NRXN3: variants seen among roughly 807,000 people sequenced by gnomAD.
NRXN3 encodes the protein neurexin III.
In NRXN3, 32 loss-of-function variants were observed where a neutral mutation model predicts 137.6. That is an observed-to-expected ratio of 0.23 (90% CI 0.18 to 0.31). The LOEUF (loss-of-function observed/expected upper bound fraction) is 0.31, where lower values mean the gene tolerates loss of function less well. Among genes scored for constraint, NRXN3 ranks in the 10% least tolerant of loss-of-function variants. NRXN3 has a pLI of 1.00. For synonymous variants in NRXN3, 798 were observed against 784.5 expected (o/e 1.02, Z -0.29); for missense variants, 1,574 against 2,062.5 (o/e 0.76, Z 4.59).
At chr14:78,989,295 T>C (rs936608432) in intron 15 of NRXN3, among the ~76,000 whole-genome samples, 2 of 152,158 alleles carry the variant, frequency 1.3e-5, no homozygotes, top group Admixed American at 6.5e-5. Context: ...CTATGTGGTT[T>C]TTTTGATTCT....
In NRXN3 at chr14:79,705,046, A is replaced by G. The variant is rs545820067; in HGVS notation, c.4014+7109A>G. On this transcript the variant is annotated intron_variant, in intron 19 of 20. Coordinates refer to ENST00000335750, the MANE Select transcript of NRXN3 (RefSeq NM_001330195.2). ...GATGAAAGGGTCCTGAGGGCAGACG[A>G]AGTGTGAAAGCTCCCAGGAGAATTC... is the stretch of plus-strand genomic sequence containing the variant. 2.0e-5 allele frequency among the ~76,000 whole-genome samples: 3 copies of G among 152,216 alleles called. No homozygotes were observed. In the South Asian group the frequency reaches 6.2e-4, roughly 32 times the overall value.
intron 4 of NRXN3, among the ~76,000 whole-genome samples, chr14:78,344,785 G>A (rs925927261): frequency 6.6e-6 from 1 of 152,050 alleles, no homozygotes; most frequent in Non-Finnish European, 1.5e-5. Flanking sequence ...ATGGTTTTTT[G>A]GACCTTCTGG....
intron 4 of NRXN3, among the ~76,000 whole-genome samples, chr14:78,509,029 G>A (rs1454850815): frequency 2.0e-5 from 3 of 152,100 alleles, no homozygotes; most frequent in Admixed American, 6.5e-5. Context: ...GCCAGGCATG[G>A]TGGCTCATGC....
chr14:79,134,049 G>A lies in NRXN3; in HGVS notation c.3262+145908G>A, dbSNP rs114290522. The stretch of plus-strand genomic sequence containing the variant: ...CTCATTCCGTATCTCCATCTTCAGA[G>A]AATGCTTGTGTGCCTTCAAATTTAT... On this transcript the variant is annotated intron_variant, in intron 15 of 20. Transcript: ENST00000335750. Among the ~76,000 whole-genome samples, 615 of 152,090 alleles carry A rather than the reference G, an allele frequency of 4.0e-3. 5 individuals are homozygous for A. Among genetic ancestry groups the A allele is most frequent in the African/African-American group, 0.014 (573 of 41,468 alleles).
intron 15 of NRXN3, among the ~76,000 whole-genome samples, chr14:79,400,181 C>T (rs1425057048): frequency 6.6e-6 from 1 of 152,144 alleles, no homozygotes; most frequent in African/African-American, 2.4e-5. Flanking sequence ...TTGTTCAACC[C>T]AGCACAACCC....
In NRXN3 at chr14:78,568,869, CA is replaced by C. The variant is rs372665482; in HGVS notation, c.758-76250del. 2.4e-4 allele frequency among the ~76,000 whole-genome samples: 37 copies of C among 151,744 alleles called. No individual in the cohort carries two copies. In the East Asian group the frequency reaches 5.0e-3, roughly 21 times the overall value. On this transcript the variant is annotated intron_variant, in intron 4 of 20. Coordinates refer to ENST00000335750, the MANE Select transcript of NRXN3 (RefSeq NM_001330195.2). Reference sequence around the variant, plus strand: ...CTTTAGTGGGCATGAGAAACACTGGCAGAGCTTCTACCAGAAACACTGGTAG... The same window carrying C: ...CTTTAGTGGGCATGAGAAACACTGGCGAGCTTCTACCAGAAACACTGGTAG...
chr14:78,330,154 A>G (rs17188), intron 4 of NRXN3, among the ~76,000 whole-genome samples: 79,797 of 151,952 alleles, frequency 0.53, 21,317 homozygotes, highest in Admixed American at 0.62. Flanking sequence ...AGGAATTTAA[A>G]GAAGCTTAGA....
intron 10 of NRXN3, among the ~76,000 whole-genome samples, chr14:78,860,220 A>T (rs568764980): frequency 6.6e-6 from 1 of 152,304 alleles, no homozygotes; most frequent in Admixed American, 6.5e-5. Context: ...TTTAATTCTC[A>T]TTATAATGAT....
At chr14:78,423,448 C>T (rs974860681) in intron 4 of NRXN3, among the ~76,000 whole-genome samples, 8 of 152,128 alleles carry the variant, frequency 5.3e-5, no homozygotes, top group African/African-American at 1.9e-4. Context: ...TTCCACTGCC[C>T]GGTACATTAT....
chr14:78,387,751 G>T (rs1000259154), intron 4 of NRXN3, among the ~76,000 whole-genome samples: 1 of 152,218 alleles, frequency 6.6e-6, no homozygotes, highest in African/African-American at 2.4e-5. Context: ...CTTAAAGAGA[G>T]ATATGGGAAG....
Position 78,849,617 on chromosome 14 carries a change from G to GA in NRXN3, c.2275+39280dup, listed in dbSNP as rs558826163. ...TAGTTCAAAATGTTCTGTTCTATGT[G>GA]AAAAAAATACTATCATTTTATTTAA... On this transcript the variant is annotated intron_variant, in intron 10 of 20. Transcript: ENST00000335750. Among the ~76,000 whole-genome samples the GA allele has an allele frequency of 1.7e-3, 257 of 152,078 alleles. 1 individual carries two copies. The highest frequency in any genetic ancestry group is 5.4e-3 in the African/African-American group (223 of 41,512).
chr14:78,904,398 C>T (rs964922392), intron 10 of NRXN3, among the ~76,000 whole-genome samples: 1 of 152,014 alleles, frequency 6.6e-6, no homozygotes, highest in African/African-American at 2.4e-5. Context: ...TTGAAAAGAC[C>T]TGTTTTATGA....
chr14:79,160,614 G>C (rs746358569), intron 15 of NRXN3, among the ~76,000 whole-genome samples: 1 of 151,586 alleles, frequency 6.6e-6, no homozygotes, highest in Non-Finnish European at 1.5e-5. Flanking sequence ...AAAATCACTT[G>C]TTCTTTTTTT....
chr14:79,775,921 T>C (rs2099095694), intron 19 of NRXN3, among the ~76,000 whole-genome samples: 1 of 152,168 alleles, frequency 6.6e-6, no homozygotes, highest in Admixed American at 6.6e-5. Flanking sequence ...GTCCTAGAAC[T>C]GGTTGTGCTA....
rs571249206 is a variant in NRXN3, at chr14:78,272,192, C to T, written c.710-6453C>T. Among the ~76,000 whole-genome samples, 3 of 152,238 alleles carry T rather than the reference C, an allele frequency of 2.0e-5. No individual in the cohort carries two copies. In the South Asian group the frequency reaches 6.2e-4, roughly 32 times the overall value. Reference sequence around the variant, plus strand: ...AAGACTATACATGGAGGCCAGTGGCCAGCCTCCCTTCTCTCTTTGCTAGCA... The same window carrying T: ...AAGACTATACATGGAGGCCAGTGGCTAGCCTCCCTTCTCTCTTTGCTAGCA... On this transcript the variant is annotated intron_variant, in intron 2 of 20. Transcript: ENST00000335750.
rs1014768737 is a variant in NRXN3, at chr14:79,116,723, A to G, written c.3262+128582A>G. Among the ~76,000 whole-genome samples the G allele has an allele frequency of 3.3e-5, 5 of 152,342 alleles. No individual in the cohort carries two copies. In the East Asian group the frequency reaches 5.8e-4, roughly 18 times the overall value. Reference sequence around the variant, plus strand: ...GTTAGGGCAGTGATGCCAGGAAGTCATCATTTCACATGCATTAGTTGCAGA... The same window carrying G: ...GTTAGGGCAGTGATGCCAGGAAGTCGTCATTTCACATGCATTAGTTGCAGA... On this transcript the variant is annotated intron_variant, in intron 15 of 20. Transcript: ENST00000335750.
chr14:79,179,116 T>C (rs997015991), intron 15 of NRXN3, among the ~76,000 whole-genome samples: 4 of 152,222 alleles, frequency 2.6e-5, no homozygotes, highest in African/African-American at 4.8e-5. Context: ...AGCTCCTCTT[T>C]ATACCTAAAA....
At chr14:78,686,014 C>T (rs1397877474) in intron 6 of NRXN3, among the ~76,000 whole-genome samples, 1 of 151,918 alleles carries the variant, frequency 6.6e-6, no homozygotes, top group Non-Finnish European at 1.5e-5. Flanking sequence ...AAGCCTCCAC[C>T]CTATCCTAGC....
chr14:78,760,850 C>T (rs2098690141), intron 8 of NRXN3, among the ~76,000 whole-genome samples: 1 of 152,100 alleles, frequency 6.6e-6, no homozygotes, highest in African/African-American at 2.4e-5. Flanking sequence ...TTGGGATTTT[C>T]TGTGGGGGAA....
Sources: gnomAD v4.1 joint callset for allele counts (sites outside exome capture counted in the v4.1 genomes callset) on GRCh38, gnomAD v4.1.1 for gene constraint, MANE v1.5 for transcripts, NCBI Gene and HGNC (gene_info 2026-07-23, HGNC 2026-07-21) for gene names.